The following ZNF585B variants were observed in gnomAD, a reference collection of about 807,000 sequenced individuals.
The protein encoded by ZNF585B is zinc finger protein 41-like protein.
A neutral mutation model predicts 14.0 loss-of-function variants in ZNF585B; 7 were observed. The observed-to-expected ratio is 0.50, with a 90% CI of 0.28 to 0.94. The LOEUF (loss-of-function observed/expected upper bound fraction) is 0.94. ZNF585B is among the 40% of genes least tolerant of loss of function. ZNF585B has a pLI of 0.09. For missense variants in ZNF585B, 750 were observed against 924.4 expected (o/e 0.81, Z 2.45); for synonymous variants, 290 against 317.3 (o/e 0.91, Z 0.91).
chr19:37,208,813 G>A lies in ZNF585B; in HGVS notation c.-143-1559C>T, dbSNP rs948266277. 5.9e-5 allele frequency among the ~76,000 whole-genome samples: 9 copies of A among 152,182 alleles called. No homozygotes were observed. The East Asian group carries it at 9.7e-4, about 16-fold the overall frequency. ...TCGAGACCAGCCTGGCCAACATGGC[G>A]AAACGCTGTCTCTACTAAAAATACA... On this transcript the variant is annotated intron_variant, in intron 1 of 4. Transcript: ENST00000532828.
chr19:37,196,849 A>G (rs925103426), intron 2 of ZNF585B, among the ~76,000 whole-genome samples: 1 of 152,246 alleles, frequency 6.6e-6, no homozygotes, highest in African/African-American at 2.4e-5. Context: ...GTAAGTTAAC[A>G]GCAGGCTATC....
In ZNF585B at chr19:37,182,216, T is replaced by A. The variant is rs1280241984; in HGVS notation, c.*3011A>T. On this transcript the variant is annotated 3_prime_UTR_variant, in exon 5 of 5. Transcript: ENST00000532828. ...TATATGTCAGCACTAAAATATCACGTTACAATAAATATAAAGGAGAAATTA... is the reference window on the plus strand; with the variant it reads ...TATATGTCAGCACTAAAATATCACGATACAATAAATATAAAGGAGAAATTA... The A allele has an allele frequency of 6.6e-6, 1 of 152,168 alleles. No individual in the cohort carries two copies. Among genetic ancestry groups the A allele is most frequent in the Non-Finnish European group, 1.5e-5 (1 of 68,030 alleles). 9.4% of individuals were successfully genotyped at this position (152,168 alleles called of 1,614,324 possible). A position where few individuals can be genotyped will look rare whatever the true frequency, so the allele number is the denominator to read the frequency against.
Position 37,185,302 on chromosome 19 carries a change from G to A in ZNF585B, c.2235C>T (p.Pro745=). The change falls in exon 5 of 5, where the codon CCC becomes CCT. Residue 745 remains proline (P), a synonymous_variant. Coordinates refer to ENST00000532828, the MANE Select transcript of ZNF585B (RefSeq NM_152279.4). ...CTTTCCCACAGATGCCACACTTGTAGGGTTTGTCTCCAGTGTGTGTTGTCT... is the reference window on the plus strand; with the variant it reads ...CTTTCCCACAGATGCCACACTTGTAAGGTTTGTCTCCAGTGTGTGTTGTCT... ...KHQTTHTGDK[P]YKCGICGKGF... is the part of the protein sequence containing the mutation. 6.2e-7 allele frequency: 1 copy of A among 1,614,170 alleles called. No individual in the cohort carries two copies. The highest frequency in any genetic ancestry group is 8.5e-7 in the Non-Finnish European group (1 of 1,180,032).
At chr19:37,202,182 T>C (rs933480312) in intron 2 of ZNF585B, among the ~76,000 whole-genome samples, 3 of 152,142 alleles carry the variant, frequency 2.0e-5, no homozygotes, top group Non-Finnish European at 4.4e-5. Flanking sequence ...TTTGTATTTT[T>C]AATAGAGACA....
At chr19:37,202,673 G>A (rs35065888) in intron 2 of ZNF585B, among the ~76,000 whole-genome samples, 4 of 135,114 alleles carry the variant, frequency 3.0e-5, no homozygotes, top group Non-Finnish European at 4.7e-5. Context: ...ATGGAGTTTC[G>A]CGCTTGTTTT....
In ZNF585B at chr19:37,183,711, T is replaced by C. The variant is rs568052074; in HGVS notation, c.*1516A>G. On this transcript the variant is annotated 3_prime_UTR_variant, in exon 5 of 5. Coordinates refer to ENST00000532828, the MANE Select transcript of ZNF585B (RefSeq NM_152279.4). ...GTCAGGAACTGATGTTTGAGGCACA[T>C]GGCGGGGAAGGTCCTTGTGGGGTGC... 1 of 152,278 alleles carries C rather than the reference T, an allele frequency of 6.6e-6. No individual in the cohort carries two copies. Among genetic ancestry groups the C allele is most frequent in the Admixed American group, 6.5e-5 (1 of 15,274 alleles). The allele number at this position is 152,278 out of a possible 1,614,324, so 9.4% of individuals were successfully genotyped here. A position where few individuals can be genotyped will look rare whatever the true frequency, so the allele number is the denominator to read the frequency against.
chr19:37,198,362 G>A (rs1419730835), intron 2 of ZNF585B, among the ~76,000 whole-genome samples: 1 of 151,920 alleles, frequency 6.6e-6, no homozygotes, highest in African/African-American at 2.4e-5. Context: ...AGTAGAGACT[G>A]GGTTTCTTCA....
intron 2 of ZNF585B, among the ~76,000 whole-genome samples, chr19:37,197,405 C>T (rs752742856): frequency 2.0e-5 from 3 of 152,074 alleles, no homozygotes; most frequent in Admixed American, 2.0e-4. Context: ...GTTGGTTCCA[C>T]GTCTTTGCTA....
Position 37,186,894 on chromosome 19 carries a change from C to T in ZNF585B, c.643G>A (p.Glu215Lys), listed in dbSNP as rs1256107745. Residue 215 changes from glutamate (E) to lysine (K), a missense_variant, in exon 5 of 5, where the codon GAA becomes AAA. Glu to Lys is a moderately conservative substitution (Grantham distance 56). This residue lies in a region of ZNF585B where 517 missense variants were observed against 570.3 expected (regional missense o/e 0.91). Transcript: ENST00000532828. ...HRIHTGEKLY[E>K]CSECGKGFPY... ...AAACCTTTCCCACATTCACTACATT[C>T]ATATAGTTTTTCTCCGGTATGAATT... The T allele has an allele frequency of 1.9e-6, 3 of 1,613,940 alleles. No individual in the cohort carries two copies. The highest frequency in any genetic ancestry group is 2.2e-5 in the South Asian group (2 of 91,042).
chr19:37,190,934 C>A (rs1972393904), intron 2 of ZNF585B, among the ~76,000 whole-genome samples: 1 of 152,112 alleles, frequency 6.6e-6, no homozygotes, highest in Non-Finnish European at 1.5e-5. Context: ...TTTAAACATA[C>A]AGAAAATTAG....
chr19:37,200,192 T>C (rs1972516184), intron 2 of ZNF585B, among the ~76,000 whole-genome samples: 1 of 152,038 alleles, frequency 6.6e-6, no homozygotes, highest in Admixed American at 6.6e-5. Context: ...TCAGTAAAGT[T>C]TTTTTGTTTT....
chr19:37,192,784 T>C (rs1008260810), intron 2 of ZNF585B, among the ~76,000 whole-genome samples: 1 of 151,852 alleles, frequency 6.6e-6, no homozygotes, highest in Admixed American at 6.6e-5. Flanking sequence ...CACTCCAGCC[T>C]GGGTGACAGA....
chr19:37,200,491 A>C (rs1380982767), intron 2 of ZNF585B, among the ~76,000 whole-genome samples: 1 of 145,948 alleles, frequency 6.9e-6, no homozygotes, highest in East Asian at 2.2e-4. Context: ...TGGAGGTTGC[A>C]GTGAGCCGAG....
rs1460449702 is a variant in ZNF585B at position 37,182,708 on chromosome 19, A to C, written c.*2519T>G. ...GGGGCATTGTGGCCCTGCTTCTTTG[A>C]CTATGTTCTATCCTTTGGGCCCCAT... On this transcript the variant is annotated 3_prime_UTR_variant, in exon 5 of 5. Transcript: ENST00000532828. The C allele has an allele frequency of 1.3e-5, 2 of 152,110 alleles. No individual in the cohort carries two copies. The highest frequency in any genetic ancestry group is 2.9e-5 in the Non-Finnish European group (2 of 68,064). 9.4% of individuals were successfully genotyped at this position (152,110 alleles called of 1,614,324 possible).
At chr19:37,192,902 G>A (rs762647482) in intron 2 of ZNF585B, among the ~76,000 whole-genome samples, 6 of 152,000 alleles carry the variant, frequency 3.9e-5, no homozygotes, top group Admixed American at 6.6e-5. Context: ...TGGGGAGGCC[G>A]AGGTGGGTGG....
At chr19:37,206,977 T>C in intron 2 of ZNF585B, 63 bp downstream of exon 2, 2 of 1,601,188 alleles carry the variant, frequency 1.2e-6, no homozygotes, top group South Asian at 1.1e-5. Context: ...AAGGCTGTGG[T>C]GACAGATTAG....
intron 4 of ZNF585B, chr19:37,189,414 GA>G (rs1194250010): frequency 4.3e-6 from 2 of 467,666 alleles, no homozygotes; most frequent in African/African-American, 3.9e-5. Flanking sequence ...GACTGTTACA[GA>G]AAAGGAATAT....
At chr19:37,199,992 G>A (rs976483860) in intron 2 of ZNF585B, among the ~76,000 whole-genome samples, 2 of 151,782 alleles carry the variant, frequency 1.3e-5, no homozygotes, top group Non-Finnish European at 2.9e-5. Flanking sequence ...GTGGTGACCC[G>A]AGATGGCGCC....
chr19:37,197,974 A>C (rs566894782), intron 2 of ZNF585B, among the ~76,000 whole-genome samples: 2 of 150,850 alleles, frequency 1.3e-5, no homozygotes, highest in East Asian at 3.9e-4. Flanking sequence ...TTAGTCATCA[A>C]TTTTGTGTCA....
Sources: gnomAD v4.1 joint callset for allele counts (sites outside exome capture counted in the v4.1 genomes callset) on GRCh38, gnomAD v4.1.1 for gene constraint, gnomAD v4.1.1 regional missense constraint, MANE v1.5 for transcripts, NCBI Gene and HGNC (gene_info 2026-07-23, HGNC 2026-07-21) for gene names.